WWP2: variants seen among roughly 807,000 people sequenced by gnomAD.
WWP2 encodes the protein WW domain containing E3 ubiquitin protein ligase 2, also known as NEDD4-like E3 ubiquitin-protein ligase WWP2.
Under a neutral mutation model 121.0 loss-of-function variants are expected in WWP2, and 57 were observed. The ratio of observed to expected loss-of-function variants is 0.47; its 90% CI spans 0.38 to 0.59. The LOEUF (loss-of-function observed/expected upper bound fraction) is 0.59. Among genes scored for constraint, WWP2 ranks in the 20% least tolerant of loss-of-function variants. The pLI is 0.00. For synonymous variants in WWP2, 449 were observed against 441.3 expected, an observed-to-expected ratio of 1.02 and a Z score of -0.22; for missense variants, 962 against 1,158.9, an observed-to-expected ratio of 0.83 and a Z score of 2.47.
intron 2 of WWP2, among the ~76,000 whole-genome samples, chr16:69,789,532 A>T (rs929943568): frequency 2.0e-5 from 3 of 152,090 alleles, no homozygotes; most frequent in Non-Finnish European, 4.4e-5. Flanking sequence ...CCAGCCTCCT[A>T]TAGTTCAAAA....
chr16:69,908,686 G>GAAGGT, intron 8 of WWP2, 75 bp from the exon 9 acceptor site: 1 of 1,554,358 alleles, frequency 6.4e-7, no homozygotes, highest in Non-Finnish European at 8.7e-7. Context: ...CATGAGTGAT[G>GAAGGT]AAGGTCTTCC....
intron 1 of WWP2, among the ~76,000 whole-genome samples, chr16:69,773,865 C>G (rs2055470163): frequency 6.6e-6 from 1 of 152,180 alleles, no homozygotes; most frequent in African/African-American, 2.4e-5. Context: ...GTCTAAAGCA[C>G]TCCTTTTAGT....
At chr16:69,820,554 TAA>T (rs34777921) in intron 4 of WWP2, among the ~76,000 whole-genome samples, 14 of 116,650 alleles carry the variant, frequency 1.2e-4, no homozygotes, top group Non-Finnish European at 1.4e-4. Flanking sequence ...CCCTGTCTCT[TAA>T]AAAAAAAAAA....
intron 6 of WWP2, among the ~76,000 whole-genome samples, chr16:69,869,332 G>A (rs576733500): frequency 4.4e-4 from 66 of 150,670 alleles, no homozygotes; most frequent in Non-Finnish European, 8.4e-4. Flanking sequence ...AGTTTGCTAC[G>A]TTTCTCCCTT....
intron 2 of WWP2, chr16:69,788,027 C>T (rs2055828907): frequency 6.6e-6 from 1 of 152,388 alleles, no homozygotes; most frequent in South Asian, 2.1e-4. Context: ...ACTTTGCCCT[C>T]CTTCAGTCTG....
rs1409964073 is a variant in WWP2, at chr16:69,799,288, G to T, written c.333G>T (p.Gly111=). The T allele has an allele frequency of 2.5e-6, 4 of 1,613,324 alleles. No individual in the cohort carries two copies. The highest frequency in any genetic ancestry group is 3.4e-6 in the Non-Finnish European group (4 of 1,179,746). Residue 111 remains glycine (G), a synonymous_variant, in exon 4 of 24, where the codon GGG becomes GGT. Coordinates refer to ENST00000359154, the MANE Select transcript of WWP2 (RefSeq NM_001270454.2). This position sits in a 1 kb window ranked among gnomAD's most constrained non-coding sequence, Gnocchi z 4.5. ...VNLSNVLKNN[G]GKMENMQLTL... ...TCTCCAACGTCTTGAAGAACAATGG[G>T]GGCAAAAGTACGTATGATGAAGGGG...
At chr16:69,907,078 A>G (rs986512781) in intron 8 of WWP2, among the ~76,000 whole-genome samples, 3 of 152,206 alleles carry the variant, frequency 2.0e-5, no homozygotes, top group Non-Finnish European at 4.4e-5. Context: ...TCTTGAGAAG[A>G]CCTGAAGTTT....
intron 2 of WWP2, among the ~76,000 whole-genome samples, chr16:69,796,138 T>A (rs2056038353): frequency 6.6e-6 from 1 of 152,120 alleles, no homozygotes; most frequent in African/African-American, 2.4e-5. Context: ...AATTGTGCTA[T>A]TGGTTATGTT....
chr16:69,918,095 A>G (rs1422629803), intron 10 of WWP2, among the ~76,000 whole-genome samples: 1 of 152,204 alleles, frequency 6.6e-6, no homozygotes, highest in Non-Finnish European at 1.5e-5. Context: ...CTCTGTGTTT[A>G]AGGAATCAAC....
chr16:69,833,630 G>T (rs2056828770), intron 4 of WWP2, among the ~76,000 whole-genome samples: 1 of 152,248 alleles, frequency 6.6e-6, no homozygotes, highest in Non-Finnish European at 1.5e-5. Context: ...ACTTAGAACA[G>T]AAGGGTGCAG....
In WWP2 at chr16:69,854,114, C is replaced by G. The variant is rs140940374; in HGVS notation, c.575+11994C>G. Among the ~76,000 whole-genome samples, 339 of 152,324 alleles carry G rather than the reference C, an allele frequency of 2.2e-3. 3 individuals carry two copies. Among genetic ancestry groups the G allele is most frequent in the African/African-American group, 7.5e-3 (310 of 41,582 alleles). ...AGTGCTAGTTCTACTTGAACCAGAT[C>G]TGTATCTGGATTCTACTACTTCTTG... On this transcript the variant is annotated intron_variant, in intron 6 of 23. Coordinates refer to ENST00000359154, the MANE Select transcript of WWP2 (RefSeq NM_001270454.2).
chr16:69,914,832 A>T (rs1236180317), intron 9 of WWP2, among the ~76,000 whole-genome samples: 1 of 152,244 alleles, frequency 6.6e-6, no homozygotes, highest in African/African-American at 2.4e-5. Context: ...ATGAGAGTAG[A>T]AGTCAAGGCA....
At chr16:69,896,469 G>A (rs545349312) in intron 8 of WWP2, among the ~76,000 whole-genome samples, 7 of 152,232 alleles carry the variant, frequency 4.6e-5, no homozygotes, top group African/African-American at 1.2e-4. Flanking sequence ...TATTGTGTCC[G>A]TCTTTGTGTT....
At chr16:69,927,484 C>T (rs1010858704) in intron 11 of WWP2, among the ~76,000 whole-genome samples, 1 of 152,236 alleles carries the variant, frequency 6.6e-6, no homozygotes, top group Non-Finnish European at 1.5e-5. Context: ...TGAGGTCGAG[C>T]CAGGTGTTCC....
intron 11 of WWP2, chr16:69,926,033 C>T (rs2058635033): frequency 6.6e-6 from 1 of 152,324 alleles, no homozygotes; most frequent in Non-Finnish European, 1.5e-5. Context: ...CAGGTGGTGA[C>T]TCTGGAAACG....
At chr16:69,884,660 TA>T (rs1483045525) in intron 7 of WWP2, among the ~76,000 whole-genome samples, 1 of 152,138 alleles carries the variant, frequency 6.6e-6, no homozygotes, top group East Asian at 1.9e-4. Context: ...TGGATTGAAA[TA>T]TTTTAAAACA....
At chr16:69,875,294 C>G (rs1567399355) in intron 7 of WWP2, among the ~76,000 whole-genome samples, 2 of 152,148 alleles carry the variant, frequency 1.3e-5, no homozygotes, top group Non-Finnish European at 2.9e-5. Flanking sequence ...AAAATGCTAA[C>G]AATTATCTGA....
At chr16:69,839,737 C>A (rs1052939050) in intron 4 of WWP2, among the ~76,000 whole-genome samples, 1 of 152,206 alleles carries the variant, frequency 6.6e-6, no homozygotes, top group Admixed American at 6.5e-5. Context: ...GTTGACAGTT[C>A]CTTAGGGTCT....
intron 8 of WWP2, among the ~76,000 whole-genome samples, chr16:69,894,327 C>T (rs561178781): frequency 6.6e-4 from 101 of 151,898 alleles, no homozygotes; most frequent in African/African-American, 1.9e-3. Context: ...GCGATCTTCC[C>T]GCCTTGGCCT....
Sources: allele counts gnomAD v4.1 joint callset (sites outside exome capture counted in the v4.1 genomes callset), GRCh38; gene constraint gnomAD v4.1.1; non-coding constraint Gnocchi (gnomAD v3.1); transcripts MANE v1.5; gene names NCBI Gene and HGNC (gene_info 2026-07-23, HGNC 2026-07-21).